DMBT1: variants seen among roughly 807,000 people sequenced by gnomAD.
DMBT1 encodes scavenger receptor cysteine-rich domain-containing protein DMBT1.
DMBT1 carries 198 observed loss-of-function variants against 252.9 expected under a neutral mutation model. The ratio of observed to expected loss-of-function variants is 0.78; its 90% CI spans 0.70 to 0.88. The LOEUF is 0.88. DMBT1 is among the 40% of genes least tolerant of loss of function. The pLI is 0.00. For missense variants in DMBT1, 2,432 were observed against 2,404.7 expected (o/e 1.01, Z -0.24); for synonymous variants, 990 against 942.7 (o/e 1.05, Z -0.92).
chr10:122,579,956 A>G, intron 10 of DMBT1, 55 bp downstream of exon 10: 4 of 1,612,188 alleles, frequency 2.5e-6, no homozygotes, highest in Non-Finnish European at 3.4e-6. Context: ...GCTCCAAAAG[A>G]AACTCCTAAT....
Position 122,640,410 on chromosome 10 carries a change from A to C in DMBT1, c.7313A>C (p.Asn2438Thr). The C allele has an allele frequency of 6.2e-7, 1 of 1,613,910 alleles. No individual in the cohort carries two copies. The highest frequency in any genetic ancestry group is 1.1e-5 in the South Asian group (1 of 91,082). The change falls in exon 55 of 56, where the codon AAT becomes ACT. Residue 2438 changes from asparagine to threonine, a missense_variant. Asn to Thr is a moderately conservative substitution (Grantham distance 65, BLOSUM62 0). Coordinates refer to ENST00000338354, the MANE Select transcript of DMBT1 (RefSeq NM_001377530.1). ...ACCTGCGTGGCATCACCATACTCCA[A>C]TGACTTCACGTCTTTGACTTATGAT... The part of the protein sequence containing the change: ...VDTCVASPYS[N>T]DFTSLTYDLI...
At chr10:122,633,655 T>A (rs1277620445) in intron 52 of DMBT1, among the ~76,000 whole-genome samples, 1 of 152,110 alleles carries the variant, frequency 6.6e-6, no homozygotes, top group East Asian at 1.9e-4. Flanking sequence ...TGAGCCTCAG[T>A]CAAAAGAGGG....
chr10:122,620,319 G>T, intron 43 of DMBT1, 28 bp downstream of exon 43: 1 of 1,612,976 alleles, frequency 6.2e-7, no homozygotes, highest in Non-Finnish European at 8.5e-7. Context: ...CCCTCCCTAG[G>T]GCTCACTCTC....
chr10:122,565,832 C>G, intron 1 of DMBT1, 135 bp from the exon 2 acceptor site: 1 of 780,850 alleles, frequency 1.3e-6, no homozygotes, highest in South Asian at 1.5e-5. Flanking sequence ...GCAAGAACGT[C>G]GGGGACACAC....
rs1565735772 is a variant in DMBT1 at position 122,590,723 on chromosome 10, G to T, written c.2137+29G>T. ...AGTCCCCAGTGTCCTTCCTTGGGAT[G>T]TCCCTTTTCTTTCTGCACAATTATC... On this transcript the variant is annotated intron_variant, in intron 18 of 55. Coordinates refer to ENST00000338354, the MANE Select transcript of DMBT1 (RefSeq NM_001377530.1). The T allele has an allele frequency of 2.0e-5, 31 of 1,583,326 alleles. 3 individuals are homozygous for T. Among genetic ancestry groups the T allele is most frequent in the Non-Finnish European group, 2.7e-5 (31 of 1,161,568 alleles).
intron 52 of DMBT1, among the ~76,000 whole-genome samples, chr10:122,634,457 TC>T (rs373983522): frequency 9.9e-5 from 10 of 100,644 alleles, no homozygotes; most frequent in African/African-American, 1.6e-4. Context: ...TCTCTCTCTC[TC>T]TCTCTCTCTC....
At position 122,599,082 on chromosome 10, in the gene DMBT1, G is replaced by C; in HGVS notation, c.3265G>C (p.Gly1089Arg). ...SHNCGHSEDA[G>R]VICSASQSRP... The stretch of plus-strand genomic sequence containing the variant: ...CAACTGTGGCCATAGTGAAGACGCT[G>C]GTGTCATCTGCTCAGGTGGGCCTTC... The change falls in exon 26 of 56, where the codon GGT becomes CGT. Residue 1089 changes from glycine to arginine, a missense_variant. By Grantham distance (125) the Gly-to-Arg change is moderately radical. This residue lies in a region of DMBT1 where 1,264 missense variants were observed against 1,082.2 expected (regional missense o/e 1.17). Coordinates refer to ENST00000338354, the MANE Select transcript of DMBT1 (RefSeq NM_001377530.1). The C allele has an allele frequency of 6.2e-7, 1 of 1,613,820 alleles. No individual in the cohort carries two copies. Among genetic ancestry groups the C allele is most frequent in the South Asian group, 1.1e-5 (1 of 91,070 alleles).
At chr10:122,598,340 A>G (rs2097904552) in intron 25 of DMBT1, among the ~76,000 whole-genome samples, 1 of 152,016 alleles carries the variant, frequency 6.6e-6, no homozygotes, top group Non-Finnish European at 1.5e-5. Context: ...CAGAGGTGTG[A>G]AGAGTCGGTG....
chr10:122,597,077 T>C (rs2097888681), intron 24 of DMBT1, 23 bp downstream of exon 24: 2 of 466,830 alleles, frequency 4.3e-6, no homozygotes, highest in Admixed American at 7.7e-5. Flanking sequence ...TGTCCTTCCT[T>C]GGGATGTCCC....
chr10:122,591,676 G>C lies in DMBT1; in HGVS notation c.2176+159G>C, dbSNP rs910149093. ...TTGAGTCTCTGGGGAACCAGTCCCG[G>C]GTCGGGTGTTAGAGGGTGGAGGGTG... On this transcript the variant is annotated intron_variant, in intron 19 of 55. Coordinates refer to ENST00000338354, the MANE Select transcript of DMBT1 (RefSeq NM_001377530.1). 8.1e-5 allele frequency among the ~76,000 whole-genome samples: 12 copies of C among 148,366 alleles called. 2 individuals are homozygous for C. The highest frequency in any genetic ancestry group is 6.0e-5 in the Non-Finnish European group (4 of 66,668).
chr10:122,567,248 AG>A (rs1356588823), intron 2 of DMBT1, among the ~76,000 whole-genome samples: 1 of 152,194 alleles, frequency 6.6e-6, no homozygotes, highest in African/African-American at 2.4e-5. Flanking sequence ...GACCATTCAC[AG>A]GGTGACCAGG....
chr10:122,621,500 A>G, intron 44 of DMBT1, 120 bp downstream of exon 44: 1 of 1,499,758 alleles, frequency 6.7e-7, no homozygotes, highest in Non-Finnish European at 9.0e-7. Flanking sequence ...GTTTTTGAAG[A>G]CTTGTTAGCT....
At chr10:122,629,208 A>G (rs2098139754) in intron 46 of DMBT1, among the ~76,000 whole-genome samples, 1 of 152,186 alleles carries the variant, frequency 6.6e-6, no homozygotes, top group Admixed American at 6.5e-5. Flanking sequence ...TCATATATAC[A>G]TATCTTATTT....
At position 122,629,824 on chromosome 10, in the gene DMBT1, C is replaced by T. The variant is rs2133666990; in HGVS notation, c.5669-16C>T. The T allele has an allele frequency of 6.2e-7, 1 of 1,611,314 alleles. No homozygotes were observed. Reference sequence around the variant, plus strand: ...AAGACCTGGTACAATGGAGATGTCCCCTCTCTCCTCTCTAGGACCCTCTTC... The same window carrying T: ...AAGACCTGGTACAATGGAGATGTCCTCTCTCTCCTCTCTAGGACCCTCTTC... On this transcript the variant is annotated splice_polypyrimidine_tract_variant and intron_variant, in intron 46 of 55. Coordinates refer to ENST00000338354, the MANE Select transcript of DMBT1 (RefSeq NM_001377530.1).
At chr10:122,626,689 G>C (rs2133657247) in intron 46 of DMBT1, among the ~76,000 whole-genome samples, 1 of 152,286 alleles carries the variant, frequency 6.6e-6, no homozygotes, top group Middle Eastern at 3.4e-3. Flanking sequence ...TGATGTAAGA[G>C]ACAAACTGAT....
At position 122,589,249 on chromosome 10, in the gene DMBT1, G is replaced by T. The variant is rs1240585377; in HGVS notation, c.2089G>T (p.Ala697Ser). 3.8e-6 allele frequency: 6 copies of T among 1,588,454 alleles called. 1 individual carries two copies. The African/African-American group carries it at 4.0e-5, about 11-fold the overall frequency. Residue 697 changes from alanine to serine, a missense_variant, in exon 17 of 56, where the codon GCT becomes TCT. Coordinates refer to ENST00000338354, the MANE Select transcript of DMBT1 (RefSeq NM_001377530.1). The stretch of plus-strand genomic sequence containing the variant: ...CCACAACTGTGGCCATCATGAAGAT[G>T]CTGGTGTCATCTGCTCAGGTGGGCC... ...LSHNCGHHED[A>S]GVICSAAQSR...
In DMBT1 at chr10:122,591,653, G is replaced by A. The variant is rs185015777; in HGVS notation, c.2176+136G>A. 61 of 1,034,952 alleles carry A rather than the reference G, an allele frequency of 5.9e-5. No homozygotes were observed. The African/African-American group carries it at 8.0e-4, about 14-fold the overall frequency. 64.1% of individuals were successfully genotyped at this position (1,034,952 alleles called of 1,614,324 possible). On this transcript the variant is annotated intron_variant, in intron 19 of 55. Coordinates refer to ENST00000338354, the MANE Select transcript of DMBT1 (RefSeq NM_001377530.1). ...CCTGTGCGCTGAGTGGGAGGAAGTT[G>A]AGTCTCTGGGGAACCAGTCCCGGGT...
intron 1 of DMBT1, among the ~76,000 whole-genome samples, chr10:122,563,901 C>T (rs1218179945): frequency 6.6e-6 from 1 of 152,126 alleles, no homozygotes; most frequent in South Asian, 2.1e-4. Context: ...GTCAGGTAGA[C>T]TGTGTTTAAA....
chr10:122,570,187 C>G lies in DMBT1; in HGVS notation c.117C>G (p.Pro39=). The G allele has an allele frequency of 6.3e-7, 1 of 1,594,110 alleles. No homozygotes were observed. Among genetic ancestry groups the G allele is most frequent in the Non-Finnish European group, 8.6e-7 (1 of 1,161,898 alleles). Residue 39 remains proline, a synonymous_variant, in exon 3 of 56, where the codon CCC becomes CCG. Transcript: ENST00000338354. ...CTTCACTGATTCCCTCGGAGGTGCCCTTGGATCCAACTGTAGCAGAAGGTA... is the reference window on the plus strand; with the variant it reads ...CTTCACTGATTCCCTCGGAGGTGCCGTTGGATCCAACTGTAGCAGAAGGTA... ...DYASLIPSEV[P]LDPTVAEGSP...
Sources: allele counts gnomAD v4.1 joint callset (sites outside exome capture counted in the v4.1 genomes callset), GRCh38; gene constraint gnomAD v4.1.1; regional missense constraint gnomAD v4.1.1; transcripts MANE v1.5; gene names NCBI Gene and HGNC (gene_info 2026-07-23, HGNC 2026-07-21).